The following DSCAML1 variants were observed in gnomAD, a reference collection of about 807,000 sequenced individuals.
DSCAML1 encodes the protein DS cell adhesion molecule like 1.
A neutral mutation model predicts 200.5 loss-of-function variants in DSCAML1; 38 were observed. The observed-to-expected ratio is 0.19, with a 90% confidence interval of 0.15 to 0.25. The LOEUF (loss-of-function observed/expected upper bound fraction) is 0.25, where lower values mean the gene tolerates loss of function less well. Among genes scored for constraint, DSCAML1 ranks in the 10% least tolerant of loss-of-function variants. DSCAML1 has a pLI of 1.00. For synonymous variants in DSCAML1, 1,215 were observed against 1,165.0 expected (o/e 1.04, Z -0.87); for missense variants, 2,223 against 2,858.8 (o/e 0.78, Z 5.07).
chr11:117,564,527 C>T (rs1399836983), intron 3 of DSCAML1, among the ~76,000 whole-genome samples: 1 of 152,184 alleles, frequency 6.6e-6, no homozygotes, highest in Admixed American at 6.5e-5. Flanking sequence ...ACATGCAAAG[C>T]ACCCTCCTGC....
chr11:117,807,591 T>C (rs564575208), intron 1 of DSCAML1, among the ~76,000 whole-genome samples: 3 of 152,282 alleles, frequency 2.0e-5, no homozygotes, highest in African/African-American at 7.2e-5. Flanking sequence ...TGGCTGTGAA[T>C]GTCTAAGGAG....
At chr11:117,667,911 T>G (rs954628555) in intron 3 of DSCAML1, among the ~76,000 whole-genome samples, 1 of 152,188 alleles carries the variant, frequency 6.6e-6, no homozygotes, top group East Asian at 1.9e-4. Context: ...GGGAGGGATA[T>G]GGAATCTAGT....
chr11:117,440,153 A>G (rs1033578579), intron 21 of DSCAML1, among the ~76,000 whole-genome samples: 5 of 152,220 alleles, frequency 3.3e-5, no homozygotes, highest in African/African-American at 1.2e-4. Context: ...CAGGATCACA[A>G]GAGGCTCTGA....
At position 117,481,855 on chromosome 11, in the gene DSCAML1, G is replaced by T. The variant is rs542599897; in HGVS notation, c.2559+108C>A. 3.8e-6 allele frequency: 5 copies of T among 1,299,308 alleles called. No homozygotes were observed. In the East Asian group the frequency reaches 7.2e-5, roughly 19 times the overall value. 80.5% of individuals were successfully genotyped at this position (1,299,308 alleles called of 1,614,324 possible). A position where few individuals can be genotyped will look rare whatever the true frequency, so the allele number is the denominator to read the frequency against. On this transcript the variant is annotated intron_variant, in intron 12 of 32. Coordinates refer to ENST00000651296, the MANE Select transcript of DSCAML1 (RefSeq NM_020693.4). ...GGGAGGTACATTTTTGGGGTGTGGG[G>T]AGGGGCTCCCAGGCTCCCCATTTGC...
chr11:117,744,460 T>G (rs1037298478), intron 3 of DSCAML1, among the ~76,000 whole-genome samples: 3 of 152,258 alleles, frequency 2.0e-5, no homozygotes, highest in African/African-American at 7.2e-5. Context: ...TGGATACGCA[T>G]CAGTCTCTCT....
intron 3 of DSCAML1, among the ~76,000 whole-genome samples, chr11:117,572,973 T>C (rs1399728314): frequency 2.6e-5 from 4 of 152,212 alleles, no homozygotes; most frequent in Non-Finnish European, 5.9e-5. Context: ...ATAATGGCCC[T>C]AATGGTGATA....
intron 19 of DSCAML1, among the ~76,000 whole-genome samples, chr11:117,453,830 G>A (rs968544518): frequency 2.7e-5 from 4 of 148,692 alleles, no homozygotes; most frequent in Non-Finnish European, 4.4e-5. Flanking sequence ...TGCAACCTCC[G>A]CCTCCTGGGT....
rs7933054 is a variant in DSCAML1 at position 117,602,621 on chromosome 11, G to A, written c.512-70099C>T. Among the ~76,000 whole-genome samples, 573 of 151,940 alleles carry A rather than the reference G, an allele frequency of 3.8e-3. 5 individuals are homozygous for A. Among genetic ancestry groups the A allele is most frequent in the African/African-American group, 0.013 (549 of 41,462 alleles). ...AGTGATCTGCCTGCCTCAGCCTCCCGAAGTGCTGGGATTACAGGTGAGAGC... is the reference window on the plus strand; with the variant it reads ...AGTGATCTGCCTGCCTCAGCCTCCCAAAGTGCTGGGATTACAGGTGAGAGC... On this transcript the variant is annotated intron_variant, in intron 3 of 32. Transcript: ENST00000651296.
chr11:117,600,855 A>G (rs1037204116), intron 3 of DSCAML1, among the ~76,000 whole-genome samples: 4 of 152,170 alleles, frequency 2.6e-5, no homozygotes, highest in African/African-American at 9.7e-5. Flanking sequence ...GGAGGAGGCC[A>G]GGAGGCCAGA....
intron 3 of DSCAML1, among the ~76,000 whole-genome samples, chr11:117,562,764 C>T (rs2050687845): frequency 6.6e-6 from 1 of 152,192 alleles, no homozygotes; most frequent in South Asian, 2.1e-4. Flanking sequence ...TTGAGACAGA[C>T]TCTGTTGCCC....
intron 3 of DSCAML1, among the ~76,000 whole-genome samples, chr11:117,606,526 C>G (rs556389753): frequency 6.6e-6 from 1 of 152,330 alleles, no homozygotes; most frequent in South Asian, 2.1e-4. Context: ...TCATACAATG[C>G]TACTTCAAGT....
At chr11:117,499,701 T>C (rs748385091) in intron 11 of DSCAML1, among the ~76,000 whole-genome samples, 6 of 152,236 alleles carry the variant, frequency 3.9e-5, no homozygotes, top group Admixed American at 6.5e-5. Flanking sequence ...GCGGCGATGC[T>C]GGACTGTGTG....
At chr11:117,608,449 A>G (rs1284291217) in intron 3 of DSCAML1, among the ~76,000 whole-genome samples, 1 of 152,138 alleles carries the variant, frequency 6.6e-6, no homozygotes, top group African/African-American at 2.4e-5. Context: ...CTCTTTTTAT[A>G]TGTGTATATA....
chr11:117,561,992 T>C (rs2050671747), intron 3 of DSCAML1, among the ~76,000 whole-genome samples: 1 of 152,086 alleles, frequency 6.6e-6, no homozygotes, highest in African/African-American at 2.4e-5. Flanking sequence ...AGGAGGAACA[T>C]GTTGGAGGAG....
chr11:117,583,851 C>T (rs1157886989), intron 3 of DSCAML1, among the ~76,000 whole-genome samples: 1 of 152,252 alleles, frequency 6.6e-6, no homozygotes, highest in Non-Finnish European at 1.5e-5. Flanking sequence ...CCATCAGACC[C>T]TGGTGTGAAA....
chr11:117,581,907 C>T (rs1319847409), intron 3 of DSCAML1, among the ~76,000 whole-genome samples: 1 of 152,074 alleles, frequency 6.6e-6, no homozygotes, highest in Non-Finnish European at 1.5e-5. Context: ...GCTTCTTGTC[C>T]CTGATCTCAT....
rs1013815169 is a variant in DSCAML1 at position 117,642,660 on chromosome 11, G to A, written c.512-110138C>T. Among the ~76,000 whole-genome samples, 3 of 152,240 alleles carry A rather than the reference G, an allele frequency of 2.0e-5. No homozygotes were observed. The highest frequency in any genetic ancestry group is 4.4e-5 in the Non-Finnish European group (3 of 68,048). ...CTGCCCATAGTTGCAGTGGCCCAGA[G>A]TGGGATCTGTGGCTCCTGGCTGCTT... On this transcript the variant is annotated intron_variant, in intron 3 of 32. Coordinates refer to ENST00000651296, the MANE Select transcript of DSCAML1 (RefSeq NM_020693.4). The surrounding 1 kb of genome is among the most constrained non-coding windows in gnomAD (Gnocchi z 4.1).
chr11:117,762,127 T>C (rs2054814686), intron 3 of DSCAML1, among the ~76,000 whole-genome samples: 1 of 152,206 alleles, frequency 6.6e-6, no homozygotes, highest in Admixed American at 6.5e-5. Flanking sequence ...ACCCCTAGTT[T>C]CCTCATCTGA....
intron 22 of DSCAML1, 79 bp downstream of exon 22, chr11:117,439,740 C>A: frequency 1.4e-6 from 2 of 1,382,846 alleles, no homozygotes; most frequent in Admixed American, 3.4e-5. Context: ...GCAGGAGGGC[C>A]CCAGACTCTT....
Sources: gnomAD v4.1 joint callset for allele counts (sites outside exome capture counted in the v4.1 genomes callset) on GRCh38, gnomAD v4.1.1 for gene constraint, Gnocchi (gnomAD v3.1) non-coding constraint, MANE v1.5 for transcripts, NCBI Gene and HGNC (gene_info 2026-07-23, HGNC 2026-07-21) for gene names.